Variants in GPATCH1 observed in about 807,000 individuals in gnomAD.
GPATCH1 encodes the protein G-patch domain containing 1, also known as G patch domain-containing protein 1.
Under a neutral mutation model 114.9 loss-of-function variants are expected in GPATCH1, and 73 were observed. That is an observed-to-expected ratio of 0.64 (90% CI 0.53 to 0.77). The LOEUF is 0.77. GPATCH1 is among the 30% of genes least tolerant of loss of function. The pLI, the probability that GPATCH1 is intolerant of heterozygous loss-of-function variation, is 0.00. For synonymous variants in GPATCH1, 391 were observed against 428.4 expected (o/e 0.91, Z 1.08); for missense variants, 1,058 against 1,144.3 (o/e 0.92, Z 1.09).
rs1599862217 is a variant in GPATCH1, at chr19:33,112,490, A to G, written c.1769A>G (p.Asp590Gly). Residue 590 changes from aspartate (D) to glycine (G), a missense_variant, in exon 13 of 20, where the codon GAT (aspartate) becomes GGT (glycine). By Grantham distance (94) the Asp-to-Gly change is moderately conservative (BLOSUM62 -1). This residue lies in a region of GPATCH1 where 893 missense variants were observed against 977.4 expected (regional missense o/e 0.91). Transcript: ENST00000170564. Reference protein sequence around the residue: ...QVEVPRDQENDVGDKQSAVKM... With the variant: ...QVEVPRDQENGVGDKQSAVKM... ...AGAATGCATGTCTTTTTCCAGAATG[A>G]TGTCGGGGATAAGCAGTCGGCTGTG... is the stretch of plus-strand genomic sequence containing the variant. The G allele has an allele frequency of 9.9e-6, 16 of 1,613,968 alleles. No individual in the cohort carries two copies. The highest frequency in any genetic ancestry group is 1.4e-5 in the Non-Finnish European group (16 of 1,179,950).
intron 2 of GPATCH1, among the ~76,000 whole-genome samples, chr19:33,090,084 A>G (rs2145303972): frequency 6.6e-6 from 1 of 152,314 alleles, no homozygotes; most frequent in East Asian, 1.9e-4. Flanking sequence ...CCTCTTAGAG[A>G]AAACTAAACA....
At chr19:33,095,960 A>G (rs551990869) in intron 6 of GPATCH1, 140 bp downstream of exon 6, 1 of 767,158 alleles carries the variant, frequency 1.3e-6, no homozygotes, top group African/African-American at 1.7e-5. Flanking sequence ...AGCTATCCTC[A>G]TTATATCAGC....
At position 33,118,770 on chromosome 19, in the gene GPATCH1, C is replaced by T. The variant is rs116207038; in HGVS notation, c.2414-240C>T. Among the ~76,000 whole-genome samples, 808 of 152,272 alleles carry T rather than the reference C, an allele frequency of 5.3e-3. 3 individuals carry two copies. The highest frequency in any genetic ancestry group is 0.019 in the African/African-American group (770 of 41,558). ...TACGTGCCCACGGGTGCACTTGGCA[C>T]GCTGTACCTCAGCCATTGCTGCCCT... is the stretch of plus-strand genomic sequence containing the variant. On this transcript the variant is annotated intron_variant, in intron 16 of 19. Transcript: ENST00000170564.
At chr19:33,119,531 C>T (rs1972953307) in intron 17 of GPATCH1, among the ~76,000 whole-genome samples, 1 of 151,870 alleles carries the variant, frequency 6.6e-6, no homozygotes, top group Admixed American at 6.6e-5. Context: ...AACCCCGTCT[C>T]TACTAAAAAT....
rs1006624090 is a variant in GPATCH1 at position 33,081,262 on chromosome 19, A to C, written c.69A>C (p.Glu23Asp). ...VSYGTGLEPL[E>D]EGERPKKPIP... ...ATGGGACCGGGCTGGAGCCTCTGGAAGAAGGTGCGGGCCGCGTGGGCCGGC... is the reference window on the plus strand; with the variant it reads ...ATGGGACCGGGCTGGAGCCTCTGGACGAAGGTGCGGGCCGCGTGGGCCGGC... Residue 23 changes from glutamate to aspartate, a missense_variant, in exon 1 of 20, where the codon GAA becomes GAC. This residue lies in a region of GPATCH1 where 131 missense variants were observed against 107.2 expected (regional missense o/e 1.22). Coordinates refer to ENST00000170564, the MANE Select transcript of GPATCH1 (RefSeq NM_018025.3). 1.3e-6 allele frequency: 2 copies of C among 1,551,444 alleles called. No homozygotes were observed. Among genetic ancestry groups the C allele is most frequent in the Non-Finnish European group, 8.7e-7 (1 of 1,146,818 alleles).
Position 33,093,501 on chromosome 19 carries a change from A to T in GPATCH1, c.437A>T (p.Asp146Val). Residue 146 changes from aspartate (D) to valine (V), a missense_variant, in exon 4 of 20, where the codon GAC (aspartate) becomes GTC (valine). By Grantham distance (152) the Asp-to-Val change is radical (BLOSUM62 -3). Transcript: ENST00000170564. ...ATTCCTGGAGCCACCCTCCTTGATG[A>T]CCTCATAACGCCAGCAAAGTGAGCA... ...APIPGATLLD[D>V]LITPAKLSVG... 2 of 1,613,190 alleles carry T rather than the reference A, an allele frequency of 1.2e-6. No individual in the cohort carries two copies. The highest frequency in any genetic ancestry group is 1.7e-6 in the Non-Finnish European group (2 of 1,179,658).
At chr19:33,121,145 G>C (rs969903465) in intron 17 of GPATCH1, among the ~76,000 whole-genome samples, 1 of 151,416 alleles carries the variant, frequency 6.6e-6, no homozygotes, top group Non-Finnish European at 1.5e-5. Flanking sequence ...TTTTCAGACA[G>C]GGTCTCACTC....
intron 17 of GPATCH1, among the ~76,000 whole-genome samples, chr19:33,119,935 ATAT>A (rs1032819578): frequency 6.9e-5 from 10 of 144,722 alleles, no homozygotes; most frequent in Non-Finnish European, 1.5e-4. Context: ...AAAATTATAT[ATAT>A]TTTTATATTT....
rs749668912 is a variant in GPATCH1, at chr19:33,113,831, C to T, written c.1957C>T (p.Leu653Phe). The stretch of plus-strand genomic sequence containing the variant: ...GTACTCAGTCTTCAACTTTCTGACG[C>T]TCCCAGAGACAGCTTCCTTGCCCAC... ...DKYSVFNFLT[L>F]PETASLPTTQ... Residue 653 changes from leucine to phenylalanine, a missense_variant, in exon 14 of 20, where the codon CTC becomes TTC. Physicochemically the swap from Leu to Phe is conservative, Grantham distance 22. Coordinates refer to ENST00000170564, the MANE Select transcript of GPATCH1 (RefSeq NM_018025.3). 1.9e-6 allele frequency: 3 copies of T among 1,613,818 alleles called. No individual in the cohort carries two copies. The highest frequency in any genetic ancestry group is 2.5e-6 in the Non-Finnish European group (3 of 1,179,730).
Position 33,081,183 on chromosome 19 carries a change from G to C in GPATCH1, c.-11G>C, listed in dbSNP as rs28372855. The C allele has an allele frequency of 0.18, 275,875 of 1,550,140 alleles. 26,493 individuals carry two copies. Among genetic ancestry groups the C allele is most frequent in the East Asian group, 0.36 (14,824 of 40,916 alleles). The stretch of plus-strand genomic sequence containing the variant: ...CCGCCGTAGCGAGGGGGCGGGGCCC[G>C]GAAGAGCAGGATGGCGGCGCGGGAC... On this transcript the variant is annotated 5_prime_UTR_variant, in exon 1 of 20. Coordinates refer to ENST00000170564, the MANE Select transcript of GPATCH1 (RefSeq NM_018025.3).
intron 1 of GPATCH1, among the ~76,000 whole-genome samples, chr19:33,086,235 G>A: frequency 6.6e-6 from 1 of 152,150 alleles, no homozygotes. Context: ...TCCATGAAAT[G>A]GTGAACATCT....
At chr19:33,090,268 G>A (rs897342044) in intron 2 of GPATCH1, among the ~76,000 whole-genome samples, 3 of 152,184 alleles carry the variant, frequency 2.0e-5, no homozygotes, top group African/African-American at 7.2e-5. Context: ...GCCAGGTTGA[G>A]TCTTTGGTCA....
intron 9 of GPATCH1, among the ~76,000 whole-genome samples, chr19:33,105,312 A>G (rs1169433065): frequency 6.7e-6 from 1 of 150,226 alleles, no homozygotes; most frequent in Non-Finnish European, 1.5e-5. Context: ...CGTGCCTGTA[A>G]TTCCTGCTAC....
chr19:33,117,757 T>G, intron 15 of GPATCH1, 68 bp from the exon 16 acceptor site: 1 of 1,098,634 alleles, frequency 9.1e-7, no homozygotes, highest in Non-Finnish European at 1.4e-6. Context: ...TGGGAGTGTA[T>G]TCTAGAATGT....
At chr19:33,122,389 A>G (rs1308076448) in intron 17 of GPATCH1, among the ~76,000 whole-genome samples, 1 of 150,334 alleles carries the variant, frequency 6.7e-6, no homozygotes, top group Non-Finnish European at 1.5e-5. Context: ...CAGTGGCGCA[A>G]TCTTGGCTCA....
chr19:33,118,832 C>G (rs181304858), intron 16 of GPATCH1, among the ~76,000 whole-genome samples, 178 bp from the exon 17 acceptor site: 2 of 152,328 alleles, frequency 1.3e-5, no homozygotes, highest in Non-Finnish European at 2.9e-5. Flanking sequence ...ACTTCCAGCT[C>G]TGGAGTTCAC....
At chr19:33,098,600 T>C (rs1484157590) in intron 8 of GPATCH1, among the ~76,000 whole-genome samples, 1 of 152,182 alleles carries the variant, frequency 6.6e-6, no homozygotes, top group Non-Finnish European at 1.5e-5. Flanking sequence ...TTTGTGACCT[T>C]AGGCAAGGCT....
intron 14 of GPATCH1, 31 bp downstream of exon 14, chr19:33,113,934 GA>G (rs763586528): frequency 6.2e-7 from 1 of 1,606,446 alleles, no homozygotes; most frequent in Admixed American, 1.7e-5. Flanking sequence ...GTCTCTGATT[GA>G]CCAGGGCCTC....
At chr19:33,111,694 G>A in intron 11 of GPATCH1, 30 bp from the exon 12 acceptor site, 1 of 1,608,202 alleles carries the variant, frequency 6.2e-7, no homozygotes, top group Non-Finnish European at 8.5e-7. Flanking sequence ...CCTGAAAAGT[G>A]AAGCTGCTTC....
Sources: gnomAD v4.1 joint callset for allele counts (sites outside exome capture counted in the v4.1 genomes callset) on GRCh38, gnomAD v4.1.1 for gene constraint, gnomAD v4.1.1 regional missense constraint, MANE v1.5 for transcripts, NCBI Gene and HGNC (gene_info 2026-07-23, HGNC 2026-07-21) for gene names.